Variants in MAPK4 observed in about 807,000 individuals in gnomAD.
MAPK4 encodes Erk3-related.
Under a neutral mutation model 47.7 loss-of-function variants are expected in MAPK4, and 22 were observed. The ratio of observed to expected loss-of-function variants is 0.46; its 90% CI spans 0.33 to 0.66. The LOEUF (loss-of-function observed/expected upper bound fraction) is 0.66, where lower values mean the gene tolerates loss of function less well. Among genes scored for constraint, MAPK4 ranks in the 30% least tolerant of loss-of-function variants. The probability of loss-of-function intolerance (pLI) is 0.02; values close to 1 mark genes in which losing one functional copy is unlikely to be tolerated. For synonymous variants in MAPK4, 390 were observed against 365.7 expected (o/e 1.07, Z -0.76); for missense variants, 736 against 831.7 (o/e 0.88, Z 1.42).
chr18:50,628,077 G>A lies in MAPK4; in HGVS notation c.-870-35012G>A, dbSNP rs527302784. The stretch of plus-strand genomic sequence containing the variant: ...ACACTGGCTCCGAGGTAGGGTTCCC[G>A]GGCAGTAGGGGCTGGGGAGGGGGAA... On this transcript the variant is annotated intron_variant, in intron 1 of 5. Transcript: ENST00000400384. Among the ~76,000 whole-genome samples, 186 of 152,282 alleles carry A rather than the reference G, an allele frequency of 1.2e-3. 1 individual carries two copies. The highest frequency in any genetic ancestry group is 0.01 in the Middle Eastern group (3 of 294).
intron 1 of MAPK4, among the ~76,000 whole-genome samples, chr18:50,581,892 G>A (rs1377637273): frequency 4.6e-5 from 7 of 152,150 alleles, no homozygotes; most frequent in Admixed American, 4.6e-4. Context: ...TTAATAATAA[G>A]CACCATACAA....
intron 2 of MAPK4, chr18:50,669,558 A>G (rs1467176733): frequency 6.6e-6 from 1 of 152,116 alleles, no homozygotes; most frequent in Non-Finnish European, 1.5e-5. Context: ...GCTCATCTCC[A>G]CTACAACATT....
intron 1 of MAPK4, among the ~76,000 whole-genome samples, chr18:50,644,330 G>A (rs1354365989): frequency 6.6e-6 from 1 of 152,084 alleles, no homozygotes; most frequent in Non-Finnish European, 1.5e-5. Flanking sequence ...GTAATCACCA[G>A]ATTGGAACCA....
chr18:50,714,904 G>T (rs184613629), intron 2 of MAPK4, among the ~76,000 whole-genome samples, 175 bp from the exon 3 acceptor site: 3 of 152,198 alleles, frequency 2.0e-5, no homozygotes, highest in African/African-American at 4.8e-5. Context: ...ACCAGGCCCA[G>T]CCCCTCTAAC....
At chr18:50,567,643 A>G (rs1332781982) in intron 1 of MAPK4, among the ~76,000 whole-genome samples, 5 of 152,184 alleles carry the variant, frequency 3.3e-5, no homozygotes, top group Admixed American at 3.3e-4. Context: ...TACTTATGTG[A>G]CAAAGTAAAG....
At chr18:50,694,498 CTA>C (rs1422875385) in intron 2 of MAPK4, among the ~76,000 whole-genome samples, 1 of 152,184 alleles carries the variant, frequency 6.6e-6, no homozygotes, top group Non-Finnish European at 1.5e-5. Flanking sequence ...CACCGGAGCC[CTA>C]TGTTAAGCTA....
chr18:50,654,162 G>C (rs2043082259), intron 1 of MAPK4, among the ~76,000 whole-genome samples: 1 of 152,208 alleles, frequency 6.6e-6, no homozygotes, highest in African/African-American at 2.4e-5. Flanking sequence ...GAGCATCCCT[G>C]CCATGGGCTA....
intron 2 of MAPK4, among the ~76,000 whole-genome samples, chr18:50,686,683 A>C (rs1424643976): frequency 6.6e-6 from 1 of 152,218 alleles, no homozygotes; most frequent in Non-Finnish European, 1.5e-5. Flanking sequence ...CACGTCTGCT[A>C]TGTGAAGTAA....
At chr18:50,562,423 A>T (rs2042161802) in intron 1 of MAPK4, among the ~76,000 whole-genome samples, 1 of 150,244 alleles carries the variant, frequency 6.7e-6, no homozygotes, top group South Asian at 2.1e-4. Flanking sequence ...GCCAATAAAA[A>T]AAAAAAAAAA....
chr18:50,586,296 C>G (rs1366960225), intron 1 of MAPK4, among the ~76,000 whole-genome samples: 1 of 152,012 alleles, frequency 6.6e-6, no homozygotes, highest in Non-Finnish European at 1.5e-5. Context: ...TTCAATATTA[C>G]CAGTATCACT....
chr18:50,647,791 T>G (rs1364334070), intron 1 of MAPK4, among the ~76,000 whole-genome samples: 1 of 152,098 alleles, frequency 6.6e-6, no homozygotes, highest in Non-Finnish European at 1.5e-5. Context: ...GCTCAACCAT[T>G]CATTCCACAT....
Position 50,729,329 on chromosome 18 carries a change from CTCG to C in MAPK4, c.1242_1244del (p.Ser415del). 2 of 1,597,014 alleles carry C rather than the reference CTCG, an allele frequency of 1.3e-6. No homozygotes were observed. The highest frequency in any genetic ancestry group is 1.7e-6 in the Non-Finnish European group (2 of 1,171,420). The stretch of plus-strand genomic sequence containing the variant: ...CCGAGCGCTTCCTAGAGCAGTCGCA[CTCG>C]TCCATGGAGCGCGCCTTCGAGGCCG... On this transcript the variant is annotated inframe_deletion, in exon 6 of 6. Coordinates refer to ENST00000400384, the MANE Select transcript of MAPK4 (RefSeq NM_002747.4).
At chr18:50,645,565 A>G (rs141224254) in intron 1 of MAPK4, among the ~76,000 whole-genome samples, 10 of 152,316 alleles carry the variant, frequency 6.6e-5, no homozygotes, top group East Asian at 1.9e-4. Flanking sequence ...TTTTTCTACA[A>G]TGAGCCTACT....
At chr18:50,652,997 CATG>C (rs888478494) in intron 1 of MAPK4, among the ~76,000 whole-genome samples, 69 of 152,104 alleles carry the variant, frequency 4.5e-4, no homozygotes, top group Admixed American at 2.0e-3. Flanking sequence ...GCCTGGGTAA[CATG>C]ATGAAACCTA....
At chr18:50,692,807 G>C (rs1386540743) in intron 2 of MAPK4, among the ~76,000 whole-genome samples, 1 of 152,108 alleles carries the variant, frequency 6.6e-6, no homozygotes, top group African/African-American at 2.4e-5. Context: ...TCCTTTTACA[G>C]GATCCCCAGG....
At chr18:50,726,996 C>T (rs532200322) in intron 5 of MAPK4, among the ~76,000 whole-genome samples, 159 of 152,338 alleles carry the variant, frequency 1.0e-3, no homozygotes, top group African/African-American at 3.4e-3. Flanking sequence ...CCATGTCAGA[C>T]GCTGCTAAGC....
intron 1 of MAPK4, among the ~76,000 whole-genome samples, chr18:50,590,110 T>TC (rs1306895067): frequency 2.0e-5 from 3 of 152,334 alleles, no homozygotes; most frequent in African/African-American, 7.2e-5. Flanking sequence ...TCAGTGTTTC[T>TC]CCCTGTCTTC....
In MAPK4 at chr18:50,662,676, G is replaced by A. The variant is rs140869954; in HGVS notation, c.-870-413G>A. Among the ~76,000 whole-genome samples, 12 of 152,352 alleles carry A rather than the reference G, an allele frequency of 7.9e-5. No homozygotes were observed. The East Asian group carries it at 2.3e-3, about 29-fold the overall frequency. On this transcript the variant is annotated intron_variant, in intron 1 of 5. Coordinates refer to ENST00000400384, the MANE Select transcript of MAPK4 (RefSeq NM_002747.4). ...AAGGAACCCAAGTGCAAAAACACGA[G>A]TATCGATCCTTTGTTTTCTGTCTGC... is the stretch of plus-strand genomic sequence containing the variant.
At position 50,729,750 on chromosome 18, in the gene MAPK4, G is replaced by A. The variant is rs766233770; in HGVS notation, c.1660G>A (p.Glu554Lys). ...CGCCCTGAAGCTCTGCACCAAGCCC[G>A]AGGACCTGCCGGACAATAAACTGGG... Reference protein sequence around the residue: ...SRALKLCTKPEDLPDNKLGDL... With the variant: ...SRALKLCTKPKDLPDNKLGDL... Residue 554 changes from glutamate (E) to lysine (K), a missense_variant, in exon 6 of 6, where the codon GAG becomes AAG. Transcript: ENST00000400384. 7.5e-6 allele frequency: 12 copies of A among 1,607,876 alleles called. No homozygotes were observed. The Admixed American group carries it at 8.4e-5, about 11-fold the overall frequency.
Sources: allele counts gnomAD v4.1 joint callset (sites outside exome capture counted in the v4.1 genomes callset), GRCh38; gene constraint gnomAD v4.1.1; transcripts MANE v1.5; gene names NCBI Gene and HGNC (gene_info 2026-07-23, HGNC 2026-07-21).